The following MTIF2 variants were observed in gnomAD, a reference collection of about 807,000 sequenced individuals.
The protein encoded by MTIF2 is translation initiation factor IF-2, mitochondrial.
Under a neutral mutation model 83.5 loss-of-function variants are expected in MTIF2, and 71 were observed. That is an observed-to-expected ratio of 0.85 (90% confidence interval 0.70 to 1.04). The LOEUF (loss-of-function observed/expected upper bound fraction) is 1.04. Among genes scored for constraint, MTIF2 ranks in the 50% least tolerant of loss-of-function variants. The pLI is 0.00. For synonymous variants in MTIF2, 319 were observed against 287.1 expected (o/e 1.11, Z -1.12); for missense variants, 957 against 846.5 (o/e 1.13, Z -1.62).
intron 5 of MTIF2, among the ~76,000 whole-genome samples, chr2:55,258,918 T>G (rs988370894): frequency 6.6e-6 from 1 of 152,062 alleles, no homozygotes; most frequent in Non-Finnish European, 1.5e-5. Context: ...AGGTGGAGGT[T>G]GCAGTGAGCT....
intron 3 of MTIF2, among the ~76,000 whole-genome samples, chr2:55,264,891 T>C (rs937284472): frequency 6.6e-6 from 1 of 152,116 alleles, no homozygotes; most frequent in Admixed American, 6.6e-5. Context: ...AAGACTGCAT[T>C]TCTATGGCTT....
At chr2:55,255,775 CTCAT>C (rs1677469672) in intron 5 of MTIF2, among the ~76,000 whole-genome samples, 1 of 151,962 alleles carries the variant, frequency 6.6e-6, no homozygotes, top group African/African-American at 2.4e-5. Flanking sequence ...ACAGTGTCAC[CTCAT>C]TCAACCTCAG....
intron 13 of MTIF2, among the ~76,000 whole-genome samples, chr2:55,241,049 A>G (rs1676264079): frequency 6.6e-6 from 1 of 152,124 alleles, no homozygotes; most frequent in African/African-American, 2.4e-5. Flanking sequence ...CAACAAACAA[A>G]TAATATATTT....
At position 55,252,642 on chromosome 2, in the gene MTIF2, A is replaced by G; in HGVS notation, c.676T>C (p.Ser226Pro). The change falls in exon 8 of 16, where the codon TCT (serine) becomes CCT (proline). Residue 226 changes from serine (S) to proline (P), a missense_variant. Physicochemically the swap from Ser to Pro is moderately conservative, Grantham distance 74. Coordinates refer to ENST00000263629, the MANE Select transcript of MTIF2 (RefSeq NM_002453.3). ...TCAAGAAAAGTTATCTTTTCCCCAG[A>G]AGGCAGAGAGACTGTGGAAACAGAA... is the stretch of plus-strand genomic sequence containing the variant. ...HIGAFLVSLP[S>P]GEKITFLDTP... 1 of 1,613,040 alleles carries G rather than the reference A, an allele frequency of 6.2e-7. No individual in the cohort carries two copies. The highest frequency in any genetic ancestry group is 8.5e-7 in the Non-Finnish European group (1 of 1,179,334).
chr2:55,239,917 A>G, intron 14 of MTIF2, 94 bp downstream of exon 14: 1 of 1,114,728 alleles, frequency 9.0e-7, no homozygotes, highest in Non-Finnish European at 1.3e-6. Flanking sequence ...ATATCTTTCA[A>G]CATTGAAAAC....
At position 55,237,369 on chromosome 2, in the gene MTIF2, C is replaced by A; in HGVS notation, c.1930G>T (p.Ala644Ser). 7.4e-6 allele frequency: 12 copies of A among 1,612,856 alleles called. No individual in the cohort carries two copies. Among genetic ancestry groups the A allele is most frequent in the East Asian group, 2.2e-5 (1 of 44,852 alleles). Residue 644 changes from alanine to serine, a missense_variant, in exon 15 of 16, where the codon GCT (alanine) becomes TCT (serine). Physicochemically the swap from Ala to Ser is moderately conservative, Grantham distance 99. Around this residue, in one of 3 missense-constraint regions of MTIF2, gnomAD observed 221 missense variants for 180.6 expected, o/e 1.22. Coordinates refer to ENST00000263629, the MANE Select transcript of MTIF2 (RefSeq NM_002453.3). ...TGTCCCTTTTGGACTCTGCAGCCAG[C>A]CACAGGAACTTTTTTCTTCCCTTCT... The part of the protein sequence containing the change: ...VTEGKKKVPV[A>S]GCRVQKGQLE...
intron 3 of MTIF2, among the ~76,000 whole-genome samples, chr2:55,264,367 G>T (rs1463567232): frequency 3.3e-5 from 5 of 152,130 alleles, no homozygotes; most frequent in African/African-American, 1.2e-4. Context: ...TAATAGCTGG[G>T]ACTAGAGGTG....
At chr2:55,245,052 A>T (rs1676594547) in intron 10 of MTIF2, among the ~76,000 whole-genome samples, 1 of 152,260 alleles carries the variant, frequency 6.6e-6, no homozygotes, top group Non-Finnish European at 1.5e-5. Flanking sequence ...AACTCAAAAA[A>T]AGAAAAATTA....
chr2:55,259,737 A>C (rs547363027), intron 5 of MTIF2, among the ~76,000 whole-genome samples: 1 of 152,290 alleles, frequency 6.6e-6, no homozygotes, highest in South Asian at 2.1e-4. Flanking sequence ...TGAGGTCAGG[A>C]GTTCAAGACC....
In MTIF2 at chr2:55,254,001, G is replaced by C. The variant is rs113795531; in HGVS notation, c.664+40C>G. The C allele has an allele frequency of 9.1e-3, 14,499 of 1,599,802 alleles. 122 individuals carry two copies. Among genetic ancestry groups the C allele is most frequent in the Middle Eastern group, 0.015 (87 of 5,992 alleles). On this transcript the variant is annotated intron_variant, in intron 7 of 15. Coordinates refer to ENST00000263629, the MANE Select transcript of MTIF2 (RefSeq NM_002453.3). ...TGACATTTAGTTTAAGAAAATAAGT[G>C]GGGTTCCCAAGCACATTGTAAGGTA...
intron 4 of MTIF2, among the ~76,000 whole-genome samples, 177 bp downstream of exon 4, chr2:55,263,463 T>C (rs7608709): frequency 0.078 from 11,826 of 152,164 alleles, 1,479 homozygotes; most frequent in African/African-American, 0.26. Context: ...TCTGTAACTA[T>C]AGCGGGTGCG....
chr2:55,264,903 G>C (rs1225376364), intron 3 of MTIF2, among the ~76,000 whole-genome samples: 2 of 152,012 alleles, frequency 1.3e-5, no homozygotes, highest in Non-Finnish European at 2.9e-5. Flanking sequence ...CTATGGCTTT[G>C]CTTTTCAGTT....
chr2:55,250,886 G>A (rs765428707), intron 8 of MTIF2, among the ~76,000 whole-genome samples: 7 of 152,054 alleles, frequency 4.6e-5, no homozygotes, highest in Non-Finnish European at 7.4e-5. Context: ...GAGGTGGGTG[G>A]ATCACCTGAG....
chr2:55,268,261 AAAG>A (rs796697773), intron 2 of MTIF2, among the ~76,000 whole-genome samples: 12 of 152,304 alleles, frequency 7.9e-5, no homozygotes, highest in East Asian at 7.7e-4. Context: ...AAGAAAAAAA[AAAG>A]AAGATTTGGA....
At chr2:55,262,844 T>C (rs1280737091) in intron 4 of MTIF2, among the ~76,000 whole-genome samples, 1 of 152,218 alleles carries the variant, frequency 6.6e-6, no homozygotes, top group African/African-American at 2.4e-5. Flanking sequence ...TTCTCCTGCC[T>C]CAGCCTCCTG....
At chr2:55,256,328 A>T (rs369128127) in intron 5 of MTIF2, among the ~76,000 whole-genome samples, 5 of 138,778 alleles carry the variant, frequency 3.6e-5, no homozygotes, top group African/African-American at 1.3e-4. Context: ...ACACACACAC[A>T]ATATATATCT....
Position 55,262,337 on chromosome 2 carries a change from T to C in MTIF2, c.310A>G (p.Arg104Gly), listed in dbSNP as rs757344499. The C allele has an allele frequency of 3.7e-6, 6 of 1,613,172 alleles. No homozygotes were observed. In the South Asian group the frequency reaches 6.6e-5, roughly 18 times the overall value. The change falls in exon 5 of 16, where the codon AGG becomes GGG. Residue 104 changes from arginine to glycine, a missense_variant. Physicochemically the swap from Arg to Gly is moderately radical, Grantham distance 125 (BLOSUM62 -2). Around this residue, in one of 3 missense-constraint regions of MTIF2, gnomAD observed 733 missense variants for 648.7 expected, o/e 1.13. Transcript: ENST00000263629. ...TCACCTGTGTTTTTTTCCATTGCCCTGGCCAGTTCCTCAATAGTCATTCCA... is the reference window on the plus strand; with the variant it reads ...TCACCTGTGTTTTTTTCCATTGCCCCGGCCAGTTCCTCAATAGTCATTCCA... ...WIGMTIEELA[R>G]AMEKNTDYVY... is the part of the protein sequence containing the mutation.
chr2:55,262,286 T>A (rs776270905), intron 5 of MTIF2, 30 bp downstream of exon 5: 9 of 1,459,370 alleles, frequency 6.2e-6, no homozygotes, highest in Admixed American at 1.7e-5. Context: ...AACATTCCCA[T>A]ATTTTGCTTT....
chr2:55,239,056 C>A (rs989989324), intron 14 of MTIF2, among the ~76,000 whole-genome samples: 62 of 152,160 alleles, frequency 4.1e-4, no homozygotes, highest in African/African-American at 1.3e-3. Context: ...AGGTCAAAAA[C>A]AAAAATTGAA....
Sources: allele counts gnomAD v4.1 joint callset (sites outside exome capture counted in the v4.1 genomes callset), GRCh38; gene constraint gnomAD v4.1.1; regional missense constraint gnomAD v4.1.1; transcripts MANE v1.5; gene names NCBI Gene and HGNC (gene_info 2026-07-23, HGNC 2026-07-21).